Variants in SYNRG observed in about 807,000 individuals in gnomAD.
The protein encoded by SYNRG is AP1 gamma subunit binding protein 1.
Under a neutral mutation model 130.9 loss-of-function variants are expected in SYNRG, and 37 were observed. That is an observed-to-expected ratio of 0.28 (90% CI 0.22 to 0.37). The LOEUF is 0.37. SYNRG is among the 10% of genes least tolerant of loss of function. The probability of loss-of-function intolerance (pLI) is 1.00; values close to 1 mark genes in which losing one functional copy is unlikely to be tolerated. For missense variants in SYNRG, 1,338 were observed against 1,588.9 expected (o/e 0.84, Z 2.68); for synonymous variants, 539 against 568.1 (o/e 0.95, Z 0.73).
intron 8 of SYNRG, among the ~76,000 whole-genome samples, chr17:37,575,928 T>C (rs908686801): frequency 4.6e-5 from 7 of 151,578 alleles, no homozygotes; most frequent in Admixed American, 2.0e-4. Context: ...TTATTTCATA[T>C]AGTATTACAT....
intron 1 of SYNRG, among the ~76,000 whole-genome samples, chr17:37,603,183 AAGG>A (rs1430585961): frequency 6.6e-6 from 1 of 152,122 alleles, no homozygotes; most frequent in East Asian, 1.9e-4. Context: ...AGGATCTGAA[AAGG>A]AGGTTTCTAG....
chr17:37,529,250 G>T (rs1432657038), intron 19 of SYNRG, among the ~76,000 whole-genome samples: 3 of 152,194 alleles, frequency 2.0e-5, no homozygotes, highest in Non-Finnish European at 4.4e-5. Context: ...CTCCAGGTTA[G>T]ATGGGCCCCA....
At chr17:37,600,968 AGAGAT>A in intron 1 of SYNRG, 1 of 156,046 alleles carries the variant, frequency 6.4e-6, no homozygotes, top group Admixed American at 6.5e-5. Flanking sequence ...GCTCTGAGGC[AGAGAT>A]GCAGGGATGT....
At position 37,515,605 on chromosome 17, in the gene SYNRG, C is replaced by G. The variant is rs1336729583; in HGVS notation, c.*3335G>C. 1 of 152,280 alleles carries G rather than the reference C, an allele frequency of 6.6e-6. No homozygotes were observed. The highest frequency in any genetic ancestry group is 2.4e-5 in the African/African-American group (1 of 41,446). The allele number at this position is 152,280 out of a possible 1,614,324, so 9.4% of individuals were successfully genotyped here. ...TCCCGAGTAGCTCGGATTACAGGCA[C>G]CTGCCACCATGCCCAGCTAATTTTT... On this transcript the variant is annotated 3_prime_UTR_variant, in exon 22 of 22. Transcript: ENST00000612223.
chr17:37,555,301 A>G (rs1057337897), intron 13 of SYNRG, among the ~76,000 whole-genome samples: 10 of 151,974 alleles, frequency 6.6e-5, no homozygotes, highest in African/African-American at 2.4e-4. Flanking sequence ...TAATTTTTGT[A>G]TTTTTAGTAG....
chr17:37,577,233 G>T, intron 7 of SYNRG, 147 bp downstream of exon 7: 1 of 677,524 alleles, frequency 1.5e-6, no homozygotes, highest in Non-Finnish European at 2.5e-6. Context: ...GGGGTTAATT[G>T]GAGAAAGGAA....
Position 37,569,040 on chromosome 17 carries a change from C to T in SYNRG, c.1348-116G>A, listed in dbSNP as rs574832173. Reference sequence around the variant, plus strand: ...AAATTTCTCAGTTTAGATACATTAACTCAAGTGCTTACGGCAGGAATCCTG... The same window carrying T: ...AAATTTCTCAGTTTAGATACATTAATTCAAGTGCTTACGGCAGGAATCCTG... On this transcript the variant is annotated intron_variant, in intron 10 of 21. Transcript: ENST00000612223. 603 of 1,071,624 alleles carry T rather than the reference C, an allele frequency of 5.6e-4. 13 individuals are homozygous for T. The South Asian group carries it at 9.7e-3, about 17-fold the overall frequency. The allele number at this position is 1,071,624 out of a possible 1,614,324, so 66.4% of individuals were successfully genotyped here. A position where few individuals can be genotyped will look rare whatever the true frequency, so the allele number is the denominator to read the frequency against.
intron 6 of SYNRG, among the ~76,000 whole-genome samples, chr17:37,580,136 T>C (rs972037403): frequency 6.6e-6 from 1 of 152,118 alleles, no homozygotes; most frequent in Non-Finnish European, 1.5e-5. Context: ...TGGACAGATA[T>C]ATACCATGAT....
At chr17:37,556,157 T>C (rs893348645) in intron 13 of SYNRG, among the ~76,000 whole-genome samples, 1 of 152,138 alleles carries the variant, frequency 6.6e-6, no homozygotes, top group Non-Finnish European at 1.5e-5. Context: ...GCTTAAAATA[T>C]ACTGTGCTTG....
intron 8 of SYNRG, among the ~76,000 whole-genome samples, chr17:37,574,171 C>T (rs575903796): frequency 1.1e-4 from 16 of 152,108 alleles, no homozygotes; most frequent in South Asian, 2.1e-4. Flanking sequence ...AGGGTCTCTT[C>T]GATAAACGGT....
intron 1 of SYNRG, among the ~76,000 whole-genome samples, chr17:37,607,977 A>AAAAAAAAAAAC (rs1555802869): frequency 3.3e-5 from 4 of 121,606 alleles, no homozygotes; most frequent in Admixed American, 8.7e-5. Context: ...AAAAAAAAAA[A>AAAAAAAAAAAC]AAACAAGACA....
chr17:37,566,655 G>A (rs1278561129), intron 11 of SYNRG, among the ~76,000 whole-genome samples: 1 of 151,634 alleles, frequency 6.6e-6, no homozygotes, highest in East Asian at 1.9e-4. Context: ...AAAAAAAAAA[G>A]TATCATATAC....
chr17:37,599,582 G>A (rs752804841), intron 2 of SYNRG, among the ~76,000 whole-genome samples: 8 of 152,126 alleles, frequency 5.3e-5, no homozygotes, highest in South Asian at 2.1e-4. Context: ...TTAGCCAGGC[G>A]TGGTGGTATG....
At chr17:37,549,504 T>G (rs2058556189) in intron 14 of SYNRG, among the ~76,000 whole-genome samples, 1 of 151,948 alleles carries the variant, frequency 6.6e-6, no homozygotes, top group African/African-American at 2.4e-5. Flanking sequence ...TTATGTACTA[T>G]GAGTGAAAAA....
intron 7 of SYNRG, 50 bp from the exon 8 acceptor site, chr17:37,576,468 C>T (rs369615746): frequency 4.1e-5 from 63 of 1,522,536 alleles, no homozygotes; most frequent in Admixed American, 2.3e-4. Context: ...GAGAAGATGG[C>T]GAAATCACAC....
intron 4 of SYNRG, 89 bp from the exon 5 acceptor site, chr17:37,585,519 A>C: frequency 1.2e-6 from 1 of 866,638 alleles, no homozygotes; most frequent in Non-Finnish European, 1.8e-6. Context: ...CAGCAATATC[A>C]TGTTGCACTT....
chr17:37,529,735 TTC>T, intron 19 of SYNRG: 1 of 1,528,772 alleles, frequency 6.5e-7, no homozygotes, highest in Non-Finnish European at 8.9e-7. Context: ...CACTTATCCT[TTC>T]CCCCAAATTC....
intron 14 of SYNRG, among the ~76,000 whole-genome samples, chr17:37,550,697 C>CA (rs59108421): frequency 5.3e-4 from 71 of 135,032 alleles, no homozygotes; most frequent in Middle Eastern, 3.8e-3. Context: ...GAAAAGCAGC[C>CA]AAAAAAAAAA....
chr17:37,609,373 G>A lies in SYNRG; in HGVS notation c.-18C>T, dbSNP rs748359457. The A allele has an allele frequency of 2.3e-5, 32 of 1,411,332 alleles. No individual in the cohort carries two copies. Among genetic ancestry groups the A allele is most frequent in the Non-Finnish European group, 2.9e-5 (32 of 1,087,076 alleles). 87.4% of individuals were successfully genotyped at this position (1,411,332 alleles called of 1,614,324 possible). The stretch of plus-strand genomic sequence containing the variant: ...AGCGCCATCTTGCTCCCGACCTGCC[G>A]CTGCCTTCGCCGCCGCCACCTTATC... On this transcript the variant is annotated 5_prime_UTR_variant, in exon 1 of 22. Transcript: ENST00000612223.
Sources: allele counts gnomAD v4.1 joint callset (sites outside exome capture counted in the v4.1 genomes callset), GRCh38; gene constraint gnomAD v4.1.1; transcripts MANE v1.5; gene names NCBI Gene and HGNC (gene_info 2026-07-23, HGNC 2026-07-21).